Variants in SYTL4 observed in about 807,000 individuals in gnomAD.
SYTL4 encodes synaptotagmin-like protein 4.
Under a neutral mutation model 52.7 loss-of-function variants are expected in SYTL4, and 16 were observed. The observed-to-expected ratio is 0.30, with a 90% CI of 0.21 to 0.46. The LOEUF is 0.46. SYTL4 is among the 20% of genes least tolerant of loss of function. SYTL4 has a pLI of 1.00. For missense variants in SYTL4, 423 were observed against 519.9 expected, an observed-to-expected ratio of 0.81 and a Z score of 1.81; for synonymous variants, 160 against 186.6, an observed-to-expected ratio of 0.86 and a Z score of 1.16.
chrX:100,722,246 G>GA (rs58479224), intron 2 of SYTL4, among the ~76,000 whole-genome samples: 45,057 of 108,153 alleles, frequency 0.42, 7,909 homozygotes, highest in Non-Finnish European at 0.53. Context: ...ATCTACTGGA[G>GA]AAAAAAAAAT....
At chrX:100,678,054 T>G (rs1040999100) in intron 19 of SYTL4, among the ~76,000 whole-genome samples, 4 of 111,302 alleles carry the variant, frequency 3.6e-5, no homozygotes, top group Non-Finnish European at 5.7e-5. Context: ...GCTTGGCTTT[T>G]GCTAGCAATG....
chrX:100,709,228 C>T (rs1307448663), intron 2 of SYTL4, among the ~76,000 whole-genome samples: 3 of 110,651 alleles, frequency 2.7e-5, no homozygotes, highest in African/African-American at 6.6e-5. Flanking sequence ...GTGGGTGGCT[C>T]ACACCTGCAA....
chrX:100,688,394 C>A lies in SYTL4; in HGVS notation c.962G>T (p.Arg321Leu). 8.3e-7 allele frequency: 1 copy of A among 1,210,399 alleles called. No individual in the cohort carries two copies. The highest frequency in any genetic ancestry group is 1.1e-6 in the Non-Finnish European group (1 of 894,759). ...EDIDHLVKLH[R>L]QKLARSSMQS... ...CATGCTGCTTCTGGCTAGCTTCTGGCGATGTAACTTCACTAGGTGGTCAAT... is the reference window on the plus strand; with the variant it reads ...CATGCTGCTTCTGGCTAGCTTCTGGAGATGTAACTTCACTAGGTGGTCAAT... The change falls in exon 13 of 20, where the codon CGC becomes CTC. Residue 321 changes from arginine (R) to leucine (L), a missense_variant. Coordinates refer to ENST00000372989, the MANE Select transcript of SYTL4 (RefSeq NM_001370165.1).
intron 2 of SYTL4, among the ~76,000 whole-genome samples, chrX:100,705,464 G>GT (rs1422244118): frequency 6.3e-5 from 7 of 111,605 alleles, no homozygotes; most frequent in Non-Finnish European, 1.1e-4. Flanking sequence ...CAACTATAAA[G>GT]TACTAAACAG....
At position 100,728,947 on chromosome X, in the gene SYTL4, G is replaced by T. The variant is rs139069754; in HGVS notation, c.-240+2471C>A. ...AGCTACTCGGGAGGCTGAGGCAGGA[G>T]AATGGCATGAACCCAGGAGGCAGAG... On this transcript the variant is annotated intron_variant, in intron 2 of 19. Coordinates refer to ENST00000372989, the MANE Select transcript of SYTL4 (RefSeq NM_001370165.1). Among the ~76,000 whole-genome samples, 639 of 109,647 alleles carry T rather than the reference G, an allele frequency of 5.8e-3. 5 individuals carry two copies. The highest frequency in any genetic ancestry group is 0.021 in the African/African-American group (617 of 29,999).
At chrX:100,693,441 A>G (rs1156349927) in intron 8 of SYTL4, among the ~76,000 whole-genome samples, 1 of 112,244 alleles carries the variant, frequency 8.9e-6, no homozygotes, top group Non-Finnish European at 1.9e-5. Context: ...TTTTCTCACA[A>G]TACAAATCAA....
chrX:100,721,368 C>A (rs2084336170), intron 2 of SYTL4, among the ~76,000 whole-genome samples: 1 of 111,568 alleles, frequency 9.0e-6, no homozygotes, highest in South Asian at 3.8e-4. Flanking sequence ...GGAATCAGCA[C>A]ATCAATAAGG....
rs776375082 is a variant in SYTL4, at chrX:100,732,084, T to G, written c.-408A>C. 3 of 111,711 alleles carry G rather than the reference T, an allele frequency of 2.7e-5. No homozygotes were observed. In the East Asian group the frequency reaches 8.6e-4, roughly 32 times the overall value. The allele number at this position is 111,711 out of a possible 1,213,427, so 9.2% of individuals were successfully genotyped here. On this transcript the variant is annotated 5_prime_UTR_variant, in exon 1 of 20. Transcript: ENST00000372989. ...GGGAGGGTCTCCGGCTCCGGGAAGA[T>G]CGCAACCCAGCTCCGGCAGCCGGCC...
rs2083276563 is a variant in SYTL4, at chrX:100,676,290, T to C, written c.1868-114A>G. 2.8e-5 allele frequency: 22 copies of C among 791,407 alleles called. No homozygotes were observed. In the South Asian group the frequency reaches 5.5e-4, roughly 20 times the overall value. 65.2% of individuals were successfully genotyped at this position (791,407 alleles called of 1,213,427 possible). ...ATAACAGTTTCCTACGAAGATGGGC[T>C]AATGGCCACAGCAGTCTGGGAAGTG... is the stretch of plus-strand genomic sequence containing the variant. On this transcript the variant is annotated intron_variant, in intron 19 of 19. Transcript: ENST00000372989.
rs1206752462 is a variant in SYTL4, at chrX:100,689,344, C to T, written c.912+512G>A. ...GAGCTATAATTGTACCACTACACTC[C>T]AGTCTGGGAAACAGAGTGAGATGCT... On this transcript the variant is annotated intron_variant, in intron 12 of 19. Transcript: ENST00000372989. 2.9e-5 allele frequency among the ~76,000 whole-genome samples: 3 copies of T among 105,054 alleles called. No individual in the cohort carries two copies. The East Asian group carries it at 9.0e-4, about 31-fold the overall frequency. The allele number at this position is 105,054 out of a possible 115,157, so 91.2% of individuals were successfully genotyped here.
intron 19 of SYTL4, among the ~76,000 whole-genome samples, chrX:100,676,594 C>T (rs766388898): frequency 1.2e-4 from 13 of 111,814 alleles, no homozygotes; most frequent in South Asian, 3.8e-4. Context: ...AAGCGATTCT[C>T]CCGCCTCAGC....
At chrX:100,718,748 T>A (rs1268170858) in intron 2 of SYTL4, among the ~76,000 whole-genome samples, 1 of 111,628 alleles carries the variant, frequency 9.0e-6, no homozygotes, top group Non-Finnish European at 1.9e-5. Flanking sequence ...TCAAAATAGA[T>A]TCTACAAAAG....
At chrX:100,713,893 T>C (rs73557581) in intron 2 of SYTL4, among the ~76,000 whole-genome samples, 20,567 of 109,654 alleles carry the variant, frequency 0.19, 4,115 homozygotes, top group African/African-American at 0.59. Context: ...TTATATAAAA[T>C]TCTAGAAAAT....
intron 10 of SYTL4, 69 bp from the exon 11 acceptor site, chrX:100,690,234 G>T (rs2083567361): frequency 1.2e-6 from 1 of 808,465 alleles, no homozygotes; most frequent in Non-Finnish European, 1.8e-6. Context: ...AGTAAGGAAG[G>T]ACAGTCTTAA....
In SYTL4 at chrX:100,698,325, G is replaced by A. The variant is rs191440487; in HGVS notation, c.539+2572C>T. On this transcript the variant is annotated intron_variant, in intron 8 of 19. Transcript: ENST00000372989. ...TCACCGTGTTAGCCAGGATGGTCTC[G>A]ATCTCCTGACCTTGTGATCCGCCCG... Among the ~76,000 whole-genome samples the A allele has an allele frequency of 3.8e-3, 419 of 111,090 alleles. 1 individual carries two copies. Among genetic ancestry groups the A allele is most frequent in the Middle Eastern group, 0.014 (3 of 216 alleles).
At chrX:100,713,096 T>C (rs926192364) in intron 2 of SYTL4, among the ~76,000 whole-genome samples, 1 of 112,081 alleles carries the variant, frequency 8.9e-6, no homozygotes, top group African/African-American at 3.2e-5. Flanking sequence ...AAGTTAAACA[T>C]ATATCTCCCA....
At chrX:100,697,899 CA>C (rs1161326067) in intron 8 of SYTL4, among the ~76,000 whole-genome samples, 1 of 110,009 alleles carries the variant, frequency 9.1e-6, no homozygotes, top group Non-Finnish European at 1.9e-5. Context: ...AAGAAAATGA[CA>C]AAAATAGAGG....
chrX:100,690,518 G>C, intron 10 of SYTL4, 45 bp downstream of exon 10: 1 of 1,068,054 alleles, frequency 9.4e-7, no homozygotes, highest in Non-Finnish European at 1.3e-6. Flanking sequence ...AGGAGAAAGG[G>C]AAGGAAGGGA....
At position 100,723,946 on chromosome X, in the gene SYTL4, GC is replaced by G. The variant is rs2084420126; in HGVS notation, c.-240+7471del. Among the ~76,000 whole-genome samples, 2 of 97,062 alleles carry G rather than the reference GC, an allele frequency of 2.1e-5. 1 individual carries two copies. The highest frequency in any genetic ancestry group is 8.1e-5 in the African/African-American group (2 of 24,763). 84.3% of individuals were successfully genotyped at this position (97,062 alleles called of 115,157 possible). The stretch of plus-strand genomic sequence containing the variant: ...GGGGTCAGCCCCCGCCAGGCCAGCC[GC>G]CCCGTCAGGGAGGGAGGTGGGGGGG... On this transcript the variant is annotated intron_variant, in intron 2 of 19. Transcript: ENST00000372989.
Sources: gnomAD v4.1 joint callset for allele counts (sites outside exome capture counted in the v4.1 genomes callset) on GRCh38, gnomAD v4.1.1 for gene constraint, MANE v1.5 for transcripts, NCBI Gene and HGNC (gene_info 2026-07-23, HGNC 2026-07-21) for gene names.